GRIA4: variants seen among roughly 807,000 people sequenced by gnomAD.
GRIA4 encodes the protein glutamate receptor 4.
In GRIA4, 34 loss-of-function variants were observed where a neutral mutation model predicts 104.0. The ratio of observed to expected loss-of-function variants is 0.33; its 90% CI spans 0.25 to 0.44. The LOEUF (loss-of-function observed/expected upper bound fraction) is 0.44. GRIA4 is among the 20% of genes least tolerant of loss of function. The probability of loss-of-function intolerance (pLI) is 1.00; values close to 1 mark genes in which losing one functional copy is unlikely to be tolerated. For missense variants in GRIA4, 750 were observed against 1,096.5 expected, an observed-to-expected ratio of 0.68 and a Z score of 4.46; for synonymous variants, 386 against 381.9, an observed-to-expected ratio of 1.01 and a Z score of -0.13.
intron 4 of GRIA4, among the ~76,000 whole-genome samples, chr11:105,810,141 C>T (rs1943114487): frequency 6.6e-6 from 1 of 152,170 alleles, no homozygotes; most frequent in Non-Finnish European, 1.5e-5. Flanking sequence ...CAGCTTTCAT[C>T]TGTCCAGCAT....
At position 105,866,549 on chromosome 11, in the gene GRIA4, G is replaced by GTATATA. The variant is rs1345654796; in HGVS notation, c.672+4342_672+4343insATATAT. On this transcript the variant is annotated intron_variant, in intron 5 of 16. Transcript: ENST00000282499. ...TATATACGCATATGTGTGTGTGTGT[G>GTATATA]TGTATATATATATATATATATATAT... Among the ~76,000 whole-genome samples, 693 of 78,056 alleles carry GTATATA rather than the reference G, an allele frequency of 8.9e-3. 4 individuals carry two copies. Among genetic ancestry groups the GTATATA allele is most frequent in the Non-Finnish European group, 0.013 (484 of 36,762 alleles). 51.2% of individuals were successfully genotyped at this position (78,056 alleles called of 152,430 possible).
chr11:105,784,030 C>T (rs745397685), intron 4 of GRIA4, among the ~76,000 whole-genome samples: 1 of 152,144 alleles, frequency 6.6e-6, no homozygotes, highest in Non-Finnish European at 1.5e-5. Context: ...ACATATGTAG[C>T]TGGCCTTGGA....
rs116923380 is a variant in GRIA4, at chr11:105,760,668, C to T, written c.487+7448C>T. On this transcript the variant is annotated intron_variant, in intron 4 of 16. Transcript: ENST00000282499. ...GCCTTAAAATATTTGTGTATAAGCT[C>T]TGTAAAAGCTTTTTAACCAATGCTT... 6.7e-3 allele frequency among the ~76,000 whole-genome samples: 1,014 copies of T among 152,114 alleles called. 3 individuals carry two copies. Among genetic ancestry groups the T allele is most frequent in the South Asian group, 0.013 (63 of 4,814 alleles).
chr11:105,869,056 T>C (rs1945525472), intron 5 of GRIA4, among the ~76,000 whole-genome samples: 1 of 152,026 alleles, frequency 6.6e-6, no homozygotes, highest in Non-Finnish European at 1.5e-5. Flanking sequence ...CAAATGGAAT[T>C]GGTGGGGGTT....
At chr11:105,796,354 A>G (rs1253982325) in intron 4 of GRIA4, among the ~76,000 whole-genome samples, 1 of 152,194 alleles carries the variant, frequency 6.6e-6, no homozygotes, top group Non-Finnish European at 1.5e-5. Context: ...AACATGATAC[A>G]ACTTTGATAT....
chr11:105,798,964 A>G (rs1205956794), intron 4 of GRIA4, among the ~76,000 whole-genome samples: 2 of 152,162 alleles, frequency 1.3e-5, no homozygotes, highest in Non-Finnish European at 2.9e-5. Context: ...AGTTATTAGT[A>G]TTAAGATGGT....
intron 4 of GRIA4, among the ~76,000 whole-genome samples, chr11:105,808,886 T>G (rs976403537): frequency 7.9e-5 from 12 of 152,142 alleles, no homozygotes; most frequent in Non-Finnish European, 1.8e-4. Flanking sequence ...TTTAATGAAT[T>G]CCAAGGAAAA....
intron 3 of GRIA4, among the ~76,000 whole-genome samples, chr11:105,730,479 T>C (rs1211961334): frequency 2.0e-5 from 3 of 152,294 alleles, no homozygotes; most frequent in Non-Finnish European, 4.4e-5. Context: ...TTCAATGCTA[T>C]TCCCATTAAG....
intron 4 of GRIA4, among the ~76,000 whole-genome samples, chr11:105,765,712 G>A (rs1388431225): frequency 6.6e-6 from 1 of 152,156 alleles, no homozygotes; most frequent in African/African-American, 2.4e-5. Flanking sequence ...TATTGAAACA[G>A]AGCCATGCTC....
chr11:105,825,075 C>T (rs1591310988), intron 4 of GRIA4, among the ~76,000 whole-genome samples: 1 of 152,040 alleles, frequency 6.6e-6, no homozygotes, highest in African/African-American at 2.4e-5. Context: ...AGATGGATAA[C>T]ATTACTCTTC....
At position 105,924,454 on chromosome 11, in the gene GRIA4, T is replaced by C. The variant is rs762913625; in HGVS notation, c.1532T>C (p.Ile511Thr). The C allele has an allele frequency of 2.5e-6, 4 of 1,611,784 alleles. No homozygotes were observed. Among genetic ancestry groups the C allele is most frequent in the Non-Finnish European group, 3.4e-6 (4 of 1,178,198 alleles). The change falls in exon 12 of 17, where the codon ATT becomes ACT. Residue 511 changes from isoleucine (I) to threonine (T), a missense_variant. Around this residue, in one of 3 missense-constraint regions of GRIA4, gnomAD observed 272 missense variants for 524.5 expected, o/e 0.52. Coordinates refer to ENST00000282499, the MANE Select transcript of GRIA4 (RefSeq NM_000829.4). ...LTITLVREEV[I>T]DFSKPFMSLG... ...ATCACTTTGGTACGAGAGGAGGTCA[T>C]TGACTTTTCTAAGCCCTTCATGAGT...
At chr11:105,688,142 ATCTATATCTATATC>A (rs1248223767) in intron 3 of GRIA4, among the ~76,000 whole-genome samples, 2,319 of 64,420 alleles carry the variant, frequency 0.036, 23 homozygotes, top group African/African-American at 0.067. Flanking sequence ...CTATATCTAT[ATCTATATCTATATC>A]TCTATCTATC....
At chr11:105,842,253 A>G (rs1453539511) in intron 4 of GRIA4, among the ~76,000 whole-genome samples, 1 of 152,190 alleles carries the variant, frequency 6.6e-6, no homozygotes, top group Admixed American at 6.5e-5. Context: ...AAGTAGAGAG[A>G]GAATGACATT....
chr11:105,974,080 C>T, intron 15 of GRIA4, among the ~76,000 whole-genome samples: 1 of 152,198 alleles, frequency 6.6e-6, no homozygotes, highest in Admixed American at 6.5e-5. Flanking sequence ...TTACTGATTT[C>T]ATTGAATGTA....
intron 3 of GRIA4, among the ~76,000 whole-genome samples, chr11:105,669,812 A>C (rs1952302206): frequency 6.6e-6 from 1 of 152,178 alleles, no homozygotes; most frequent in South Asian, 2.1e-4. Flanking sequence ...TGTCAGTTTT[A>C]GTCATTTTTA....
chr11:105,900,730 C>A (rs967722324), intron 7 of GRIA4, among the ~76,000 whole-genome samples: 1 of 152,152 alleles, frequency 6.6e-6, no homozygotes, highest in East Asian at 1.9e-4. Context: ...CTGGAAATTA[C>A]AGGCCTGCCC....
intron 3 of GRIA4, among the ~76,000 whole-genome samples, chr11:105,669,054 G>A (rs1311753996): frequency 6.6e-6 from 1 of 151,904 alleles, no homozygotes; most frequent in Non-Finnish European, 1.5e-5. Flanking sequence ...AGCAGTGTGT[G>A]CAGAAAAGTT....
intron 14 of GRIA4, among the ~76,000 whole-genome samples, chr11:105,953,745 G>C (rs1401369465): frequency 6.6e-6 from 1 of 151,014 alleles, no homozygotes; most frequent in Non-Finnish European, 1.5e-5. Context: ...TTTCAAGAAA[G>C]GTATAAAATA....
rs531980693 is a variant in GRIA4, at chr11:105,854,138, A to T, written c.488-7886A>T. Among the ~76,000 whole-genome samples the T allele has an allele frequency of 4.3e-4, 66 of 152,310 alleles. 1 individual carries two copies. Among genetic ancestry groups the T allele is most frequent in the African/African-American group, 1.5e-3 (63 of 41,576 alleles). On this transcript the variant is annotated intron_variant, in intron 4 of 16. Transcript: ENST00000282499. ...TCCTGACTTCATGAGCTTACCTTTT[A>T]GTATGGGAAAGAGACAATAAACAAG...
Sources: gnomAD v4.1 joint callset for allele counts (sites outside exome capture counted in the v4.1 genomes callset) on GRCh38, gnomAD v4.1.1 for gene constraint, gnomAD v4.1.1 regional missense constraint, MANE v1.5 for transcripts, NCBI Gene and HGNC (gene_info 2026-07-23, HGNC 2026-07-21) for gene names.